Variants in PACRG observed in about 807,000 individuals in gnomAD.
PACRG encodes parkin coregulated.
PACRG carries 29 observed loss-of-function variants against 29.7 expected under a neutral mutation model. That is an observed-to-expected ratio of 0.98 (90% CI 0.73 to 1.33). PACRG has a LOEUF of 1.33. Among genes scored for constraint, PACRG ranks in the 40% most tolerant of loss-of-function variants. The pLI, the probability that PACRG is intolerant of heterozygous loss-of-function variation, is 0.00. For missense variants in PACRG, 279 were observed against 316.2 expected (o/e 0.88, Z 0.89); for synonymous variants, 116 against 118.7 (o/e 0.98, Z 0.15).
intron 2 of PACRG, among the ~76,000 whole-genome samples, chr6:162,820,121 C>G (rs963946205): frequency 3.9e-5 from 6 of 152,144 alleles, no homozygotes; most frequent in Non-Finnish European, 4.4e-5. Context: ...GCTTCCCTTT[C>G]TAAAGGACTG....
intron 4 of PACRG, among the ~76,000 whole-genome samples, chr6:163,181,375 G>A (rs1289572766): frequency 6.6e-6 from 1 of 152,166 alleles, no homozygotes; most frequent in Non-Finnish European, 1.5e-5. Context: ...GGACAGCAGA[G>A]GCTCAGGGGC....
chr6:163,040,332 G>A (rs755056002), intron 2 of PACRG, among the ~76,000 whole-genome samples: 2 of 152,266 alleles, frequency 1.3e-5, no homozygotes, highest in Non-Finnish European at 2.9e-5. Context: ...CCAGGCAGAT[G>A]TCTGCTGCAA....
intron 2 of PACRG, among the ~76,000 whole-genome samples, chr6:162,992,484 G>A (rs995547751): frequency 2.7e-5 from 4 of 148,270 alleles, no homozygotes; most frequent in Admixed American, 6.7e-5. Flanking sequence ...TGTATGTGTC[G>A]AGGAATGTAT....
At chr6:163,009,453 C>T (rs377016772) in intron 2 of PACRG, among the ~76,000 whole-genome samples, 8 of 152,296 alleles carry the variant, frequency 5.3e-5, no homozygotes, top group South Asian at 2.1e-4. Flanking sequence ...TCAAATTCAA[C>T]GTTACATTAA....
At chr6:162,911,623 T>A (rs1796308636) in intron 2 of PACRG, among the ~76,000 whole-genome samples, 1 of 152,246 alleles carries the variant, frequency 6.6e-6, no homozygotes, top group Admixed American at 6.5e-5. Context: ...TCTAGGTTTA[T>A]AACCAGAAGT....
intron 2 of PACRG, among the ~76,000 whole-genome samples, chr6:162,877,076 C>T (rs1324057165): frequency 1.3e-5 from 2 of 152,016 alleles, no homozygotes; most frequent in Non-Finnish European, 1.5e-5. Flanking sequence ...CCCAGCAATC[C>T]CATTACTGGA....
At chr6:162,917,239 A>G (rs1796757439) in intron 2 of PACRG, among the ~76,000 whole-genome samples, 1 of 152,148 alleles carries the variant, frequency 6.6e-6, no homozygotes, top group Non-Finnish European at 1.5e-5. Context: ...AAATTCTGAA[A>G]TAATGCAAGT....
intron 2 of PACRG, among the ~76,000 whole-genome samples, chr6:162,981,290 CAT>C (rs150972042): frequency 4.0e-4 from 56 of 139,430 alleles, no homozygotes; most frequent in East Asian, 3.4e-3. Flanking sequence ...ATGTATAAAA[CAT>C]ATATATATAT....
At chr6:162,734,634 T>G (rs1252933218) in intron 1 of PACRG, among the ~76,000 whole-genome samples, 2 of 152,214 alleles carry the variant, frequency 1.3e-5, no homozygotes, top group Non-Finnish European at 2.9e-5. Context: ...ACCAATCTTA[T>G]GAAAAGGCAG....
chr6:162,792,254 G>A (rs906741121), intron 1 of PACRG, among the ~76,000 whole-genome samples: 1 of 152,144 alleles, frequency 6.6e-6, no homozygotes, highest in Non-Finnish European at 1.5e-5. Context: ...GTGCAAGGGA[G>A]AGATTGTACC....
intron 4 of PACRG, among the ~76,000 whole-genome samples, chr6:163,311,829 A>G (rs959174739): frequency 2.6e-5 from 4 of 152,210 alleles, no homozygotes; most frequent in African/African-American, 7.2e-5. Context: ...TTTAAAAGTA[A>G]GAACATGAGA....
chr6:162,841,193 T>C (rs200667535), intron 2 of PACRG, among the ~76,000 whole-genome samples: 13,999 of 141,034 alleles, frequency 0.099, 792 homozygotes, highest in Middle Eastern at 0.15. Flanking sequence ...CTTGTACCTC[T>C]GGTAGAATTC....
At chr6:162,990,806 C>G (rs1353309781) in intron 2 of PACRG, among the ~76,000 whole-genome samples, 1 of 137,658 alleles carries the variant, frequency 7.3e-6, no homozygotes, top group Non-Finnish European at 1.5e-5. Context: ...GACATGAAGT[C>G]CTTGCCCATG....
At chr6:162,938,832 C>A (rs116774773) in intron 2 of PACRG, among the ~76,000 whole-genome samples, 1 of 151,952 alleles carries the variant, frequency 6.6e-6, no homozygotes, top group East Asian at 1.9e-4. Flanking sequence ...GTACTTAGCT[C>A]ACTTTTTATT....
intron 4 of PACRG, among the ~76,000 whole-genome samples, chr6:163,285,585 T>C (rs1184375057): frequency 2.6e-5 from 4 of 152,172 alleles, no homozygotes; most frequent in Non-Finnish European, 5.9e-5. Context: ...GCCCCGGAGA[T>C]ATTTGCCAGA....
intron 3 of PACRG, among the ~76,000 whole-genome samples, chr6:163,072,376 G>T (rs1304971767): frequency 6.6e-6 from 1 of 151,982 alleles, no homozygotes. Flanking sequence ...CTTTCAATTT[G>T]TCCTGAAAAA....
At chr6:163,015,640 C>G (rs183273673) in intron 2 of PACRG, among the ~76,000 whole-genome samples, 3 of 152,100 alleles carry the variant, frequency 2.0e-5, no homozygotes, top group Non-Finnish European at 4.4e-5. Flanking sequence ...CTTCATTTTG[C>G]TCTGTTTGAA....
At chr6:162,953,122 T>C (rs1253892633) in intron 2 of PACRG, among the ~76,000 whole-genome samples, 2 of 152,200 alleles carry the variant, frequency 1.3e-5, no homozygotes, top group Admixed American at 1.3e-4. Context: ...TGCTTTAATT[T>C]AAAGAACCAC....
chr6:163,097,089 G>A (rs1023929130), intron 4 of PACRG, among the ~76,000 whole-genome samples: 2 of 152,112 alleles, frequency 1.3e-5, no homozygotes, highest in African/African-American at 2.4e-5. Flanking sequence ...AGTGACCTAC[G>A]CATAGGGCTG....
Sources: gnomAD v4.1 joint callset for allele counts (sites outside exome capture counted in the v4.1 genomes callset) on GRCh38, gnomAD v4.1.1 for gene constraint, MANE v1.5 for transcripts, NCBI Gene and HGNC (gene_info 2026-07-23, HGNC 2026-07-21) for gene names.